Variants in ENAH observed in about 807,000 individuals in gnomAD.
ENAH encodes the protein ENAH actin regulator.
ENAH carries 23 observed loss-of-function variants against 78.7 expected under a neutral mutation model. That is an observed-to-expected ratio of 0.29 (90% CI 0.21 to 0.41). The LOEUF (loss-of-function observed/expected upper bound fraction) is 0.41. Ranked by LOEUF, ENAH falls within the 10% of genes least tolerant of loss-of-function variation. The pLI, the probability that ENAH is intolerant of heterozygous loss-of-function variation, is 1.00. For missense variants in ENAH, 544 were observed against 691.0 expected (o/e 0.79, Z 2.39); for synonymous variants, 226 against 241.0 (o/e 0.94, Z 0.58).
chr1:225,604,271 T>C (rs183817375), intron 1 of ENAH, among the ~76,000 whole-genome samples: 192 of 152,320 alleles, frequency 1.3e-3, no homozygotes, highest in African/African-American at 4.3e-3. Context: ...GCTCTCTCAC[T>C]ATTTTTATTC....
chr1:225,595,243 G>A (rs2096896769), intron 1 of ENAH, among the ~76,000 whole-genome samples: 1 of 151,986 alleles, frequency 6.6e-6, no homozygotes, highest in South Asian at 2.1e-4. Context: ...TGAGGCAGGA[G>A]AATCGCTTGA....
Position 225,496,158 on chromosome 1 carries a change from A to T in ENAH, c.*1617T>A, listed in dbSNP as rs1239290052. On this transcript the variant is annotated 3_prime_UTR_variant, in exon 14 of 14. Coordinates refer to ENST00000366843, the MANE Select transcript of ENAH (RefSeq NM_018212.6). The stretch of plus-strand genomic sequence containing the variant: ...GCATAAATCAAGATGGAGAGCCTGG[A>T]GAGTTTCTTAAATTTTCCAAAAAGC... The T allele has an allele frequency of 1.3e-5, 2 of 152,654 alleles. No individual in the cohort carries two copies. Among genetic ancestry groups the T allele is most frequent in the East Asian group, 3.8e-4 (2 of 5,202 alleles). 9.5% of individuals were successfully genotyped at this position (152,654 alleles called of 1,614,324 possible). A position where few individuals can be genotyped will look rare whatever the true frequency, so the allele number is the denominator to read the frequency against.
At chr1:225,500,856 C>T (rs1016834810) in intron 12 of ENAH, 136 bp downstream of exon 12, 1 of 797,066 alleles carries the variant, frequency 1.3e-6, no homozygotes, top group Non-Finnish European at 2.0e-6. Flanking sequence ...ACTACTAATG[C>T]CACTGTTTAA....
chr1:225,609,340 CAA>C (rs554470424), intron 1 of ENAH, among the ~76,000 whole-genome samples: 1 of 143,210 alleles, frequency 7.0e-6, no homozygotes, highest in Admixed American at 7.0e-5. Context: ...AAAGCTGTTT[CAA>C]AAAAAAAAAG....
chr1:225,510,391 C>G (rs543830413), intron 10 of ENAH, among the ~76,000 whole-genome samples: 1 of 152,220 alleles, frequency 6.6e-6, no homozygotes, highest in Non-Finnish European at 1.5e-5. Flanking sequence ...TCATCATATT[C>G]TAAAGGTTCT....
Position 225,552,297 on chromosome 1 carries a change from C to T in ENAH, c.349+2609G>A, listed in dbSNP as rs1362205085. Among the ~76,000 whole-genome samples, 5 of 151,902 alleles carry T rather than the reference C, an allele frequency of 3.3e-5. No individual in the cohort carries two copies. In the South Asian group the frequency reaches 6.2e-4, roughly 19 times the overall value. On this transcript the variant is annotated intron_variant, in intron 3 of 13. Coordinates refer to ENST00000366843, the MANE Select transcript of ENAH (RefSeq NM_018212.6). Reference sequence around the variant, plus strand: ...GACTACAGGCGCCCGCCACCACGCCCGGCTAATTTTTTTGTATTTTTTAGT... The same window carrying T: ...GACTACAGGCGCCCGCCACCACGCCTGGCTAATTTTTTTGTATTTTTTAGT...
intron 1 of ENAH, among the ~76,000 whole-genome samples, chr1:225,604,692 C>T (rs1237551811): frequency 6.6e-6 from 1 of 151,402 alleles, no homozygotes; most frequent in Admixed American, 6.6e-5. Flanking sequence ...ACTTGGGAGG[C>T]TGAGGCAGGA....
At chr1:225,602,734 C>T (rs2096937216) in intron 1 of ENAH, among the ~76,000 whole-genome samples, 1 of 151,908 alleles carries the variant, frequency 6.6e-6, no homozygotes, top group African/African-American at 2.4e-5. Flanking sequence ...CTGGCCAACA[C>T]TGTAAAAAAT....
intron 3 of ENAH, among the ~76,000 whole-genome samples, chr1:225,553,309 T>G (rs1011708609): frequency 1.3e-5 from 2 of 152,118 alleles, no homozygotes; most frequent in African/African-American, 4.8e-5. Flanking sequence ...TCCTTTCCAT[T>G]TGGCTAAAAA....
intron 1 of ENAH, among the ~76,000 whole-genome samples, chr1:225,651,617 G>C (rs918929693): frequency 1.3e-5 from 2 of 152,190 alleles, no homozygotes; most frequent in African/African-American, 4.8e-5. Flanking sequence ...TTCCAGGAGA[G>C]AGAAATGGAG....
At position 225,488,959 on chromosome 1, in the gene ENAH, T is replaced by C. The variant is rs745535010; in HGVS notation, c.*8816A>G. The C allele has an allele frequency of 1.3e-5, 2 of 152,180 alleles. No homozygotes were observed. Among genetic ancestry groups the C allele is most frequent in the African/African-American group, 2.4e-5 (1 of 41,430 alleles). The allele number at this position is 152,180 out of a possible 1,614,324, so 9.4% of individuals were successfully genotyped here. On this transcript the variant is annotated 3_prime_UTR_variant, in exon 14 of 14. Coordinates refer to ENST00000366843, the MANE Select transcript of ENAH (RefSeq NM_018212.6). ...CTCGGAAGGAATGACTACATGGATATAGATGGATAAGATGGAAGATATAAA... is the reference window on the plus strand; with the variant it reads ...CTCGGAAGGAATGACTACATGGATACAGATGGATAAGATGGAAGATATAAA...
Position 225,500,348 on chromosome 1 carries a change from TTTC to T in ENAH, c.1617+641_1617+643del, listed in dbSNP as rs564082796. On this transcript the variant is annotated intron_variant, in intron 12 of 13. Coordinates refer to ENST00000366843, the MANE Select transcript of ENAH (RefSeq NM_018212.6). ...TGAATCCAAACGTGGACAGTATCTTTTTCTTTTTTATAAAATTGAGATAACTGT... is the reference window on the plus strand; with the variant it reads ...TGAATCCAAACGTGGACAGTATCTTTTTTTTTATAAAATTGAGATAACTGT... 8.5e-5 allele frequency among the ~76,000 whole-genome samples: 13 copies of T among 152,328 alleles called. 1 individual carries two copies. The South Asian group carries it at 2.7e-3, about 32-fold the overall frequency.
chr1:225,613,869 G>A (rs1396562503), intron 1 of ENAH, among the ~76,000 whole-genome samples: 1 of 152,042 alleles, frequency 6.6e-6, no homozygotes, highest in Non-Finnish European at 1.5e-5. Flanking sequence ...ACATCCCATA[G>A]GTTAAGGGAT....
intron 3 of ENAH, among the ~76,000 whole-genome samples, chr1:225,532,302 A>G (rs1199638173): frequency 1.3e-5 from 2 of 152,122 alleles, no homozygotes; most frequent in Non-Finnish European, 2.9e-5. Flanking sequence ...TTATATATCC[A>G]AAGTACTAAA....
intron 12 of ENAH, among the ~76,000 whole-genome samples, chr1:225,499,082 T>C (rs541093958): frequency 6.6e-6 from 1 of 152,294 alleles, no homozygotes; most frequent in African/African-American, 2.4e-5. Context: ...TTTAGTATGA[T>C]GAAAATAATG....
At chr1:225,573,402 G>A (rs931853697) in intron 1 of ENAH, among the ~76,000 whole-genome samples, 3 of 151,926 alleles carry the variant, frequency 2.0e-5, no homozygotes, top group East Asian at 1.9e-4. Flanking sequence ...TCCTTCCTCC[G>A]AGTTCTCAGA....
chr1:225,601,792 C>T (rs1248924536), intron 1 of ENAH, among the ~76,000 whole-genome samples: 4 of 151,264 alleles, frequency 2.6e-5, no homozygotes, highest in South Asian at 2.1e-4. Context: ...AAAAATATAA[C>T]TTAATAACCC....
At chr1:225,546,363 T>C (rs114696411) in intron 3 of ENAH, among the ~76,000 whole-genome samples, 141 of 152,328 alleles carry the variant, frequency 9.3e-4, no homozygotes, top group African/African-American at 3.2e-3. Context: ...GATAAAGCTA[T>C]AGTCATTTTC....
intron 3 of ENAH, among the ~76,000 whole-genome samples, chr1:225,539,860 C>T (rs1558780590): frequency 1.3e-5 from 2 of 152,302 alleles, no homozygotes; most frequent in Admixed American, 1.3e-4. Context: ...CCAACTAGAA[C>T]TTTCTGGCAG....
Sources: gnomAD v4.1 joint callset for allele counts (sites outside exome capture counted in the v4.1 genomes callset) on GRCh38, gnomAD v4.1.1 for gene constraint, MANE v1.5 for transcripts, NCBI Gene and HGNC (gene_info 2026-07-23, HGNC 2026-07-21) for gene names.